Variants in EML5 observed in about 807,000 individuals in gnomAD.
EML5 encodes the protein EMAP like 5.
EML5 carries 120 observed loss-of-function variants against 250.0 expected under a neutral mutation model. The ratio of observed to expected loss-of-function variants is 0.48; its 90% CI spans 0.41 to 0.56. The LOEUF (loss-of-function observed/expected upper bound fraction) is 0.56, where lower values mean the gene tolerates loss of function less well. Ranked by LOEUF, EML5 falls within the 20% of genes least tolerant of loss-of-function variation. EML5 has a pLI of 0.00. For synonymous variants in EML5, 771 were observed against 806.5 expected, an observed-to-expected ratio of 0.96 and a Z score of 0.75; for missense variants, 2,006 against 2,437.6, an observed-to-expected ratio of 0.82 and a Z score of 3.73.
rs2088725885 is a variant in EML5 at position 88,620,643 on chromosome 14, A to G, written c.5375+111T>C. The G allele has an allele frequency of 1.2e-6, 1 of 822,686 alleles. No individual in the cohort carries two copies. Among genetic ancestry groups the G allele is most frequent in the South Asian group, 3.0e-5 (1 of 33,818 alleles). The allele number at this position is 822,686 out of a possible 1,614,324, so 51.0% of individuals were successfully genotyped here. The stretch of plus-strand genomic sequence containing the variant: ...TTTAGCATACAATTTATAATACGGG[A>G]AATGCTACAGGCCCTGGGGACCTCT... On this transcript the variant is annotated intron_variant, in intron 39 of 43. Coordinates refer to ENST00000554922, the MANE Select transcript of EML5 (RefSeq NM_183387.3). This position sits in a 1 kb window ranked among gnomAD's most constrained non-coding sequence, Gnocchi z 4.3.
At chr14:88,696,580 G>A (rs1271126858) in intron 15 of EML5, among the ~76,000 whole-genome samples, 5 of 152,036 alleles carry the variant, frequency 3.3e-5, no homozygotes, top group African/African-American at 9.7e-5. Context: ...GATGAATTTA[G>A]GTTGTTACGT....
At chr14:88,637,701 T>C (rs1160153751) in intron 32 of EML5, among the ~76,000 whole-genome samples, 1 of 152,206 alleles carries the variant, frequency 6.6e-6, no homozygotes, top group Non-Finnish European at 1.5e-5. Flanking sequence ...ACAGTAACTA[T>C]GTACCAAGAG....
At chr14:88,738,418 A>AG (rs200045403) in intron 6 of EML5, among the ~76,000 whole-genome samples, 1 of 82,180 alleles carries the variant, frequency 1.2e-5, no homozygotes, top group Non-Finnish European at 2.8e-5. Flanking sequence ...TCCCCAAGAG[A>AG]AAAAAAAAAA....
intron 13 of EML5, among the ~76,000 whole-genome samples, chr14:88,704,200 T>G (rs185665064): frequency 6.6e-6 from 1 of 152,246 alleles, no homozygotes; most frequent in East Asian, 1.9e-4. Context: ...AGTTCTCTCT[T>G]GATTAGTTCA....
intron 21 of EML5, among the ~76,000 whole-genome samples, chr14:88,667,682 C>T (rs2092343354): frequency 2.0e-5 from 3 of 152,168 alleles, no homozygotes; most frequent in South Asian, 4.1e-4. Flanking sequence ...AGAAGTGACT[C>T]CCTTCCTCCA....
chr14:88,714,901 T>A (rs1182081987), intron 9 of EML5, 38 bp downstream of exon 9: 1 of 1,581,082 alleles, frequency 6.3e-7, no homozygotes, highest in Non-Finnish European at 8.6e-7. Context: ...AAATATTGTA[T>A]AGGTACTACA....
chr14:88,706,301 G>T lies in EML5; in HGVS notation c.1783C>A (p.Pro595Thr). 6.2e-7 allele frequency: 1 copy of T among 1,608,942 alleles called. No individual in the cohort carries two copies. Among genetic ancestry groups the T allele is most frequent in the Non-Finnish European group, 8.5e-7 (1 of 1,177,858 alleles). ...ACAGCATCTTTCAGTTTTCTTTCAG[G>T]AATAAATTTCCACTGAAAGACAGAG... ...DHSVFQWKFI[P>T]ERKLKDAVHI... The change falls in exon 11 of 44, where the codon CCT becomes ACT. Residue 595 changes from proline (P) to threonine (T), a missense_variant. Pro to Thr is a conservative substitution (Grantham distance 38). Transcript: ENST00000554922.
In EML5 at chr14:88,620,580, T is replaced by C. The variant is rs1042061720; in HGVS notation, c.5375+174A>G. ...AGTTGGTGCCCAGTGGGTTTATAAT[T>C]TAGCAAGAAGAATTAAGTAGTATAC... On this transcript the variant is annotated intron_variant, in intron 39 of 43. Transcript: ENST00000554922. The surrounding 1 kb of genome is among the most constrained non-coding windows in gnomAD (Gnocchi z 4.3). The C allele has an allele frequency of 2.0e-6, 1 of 509,882 alleles. No individual in the cohort carries two copies. Among genetic ancestry groups the C allele is most frequent in the Admixed American group, 3.9e-5 (1 of 25,442 alleles). 31.6% of individuals were successfully genotyped at this position (509,882 alleles called of 1,614,324 possible).
At chr14:88,714,010 G>T (rs2093449607) in intron 9 of EML5, among the ~76,000 whole-genome samples, 2 of 149,742 alleles carry the variant, frequency 1.3e-5, no homozygotes, top group Admixed American at 6.7e-5. Flanking sequence ...GCTAGTTTTT[G>T]TATTTTTAGT....
chr14:88,768,417 CTT>C (rs57996765), intron 1 of EML5, among the ~76,000 whole-genome samples: 1 of 148,154 alleles, frequency 6.7e-6, no homozygotes. Flanking sequence ...ATGTGATTGT[CTT>C]TTTTTTTTTG....
chr14:88,697,250 T>C (rs2093100170), intron 14 of EML5, among the ~76,000 whole-genome samples: 1 of 152,178 alleles, frequency 6.6e-6, no homozygotes, highest in African/African-American at 2.4e-5. Context: ...GTTTGTATGC[T>C]AGATACAACG....
At chr14:88,661,345 G>A (rs928201399) in intron 25 of EML5, among the ~76,000 whole-genome samples, 37 of 152,214 alleles carry the variant, frequency 2.4e-4, no homozygotes, top group Admixed American at 7.9e-4. Context: ...CCCACCTCAG[G>A]CTCCCAAAGT....
At chr14:88,646,138 A>G (rs372447776) in intron 29 of EML5, among the ~76,000 whole-genome samples, 85 of 152,286 alleles carry the variant, frequency 5.6e-4, no homozygotes, top group African/African-American at 2.0e-3. Flanking sequence ...TTCCCATATA[A>G]AAGACTCCAA....
intron 2 of EML5, among the ~76,000 whole-genome samples, chr14:88,747,141 G>A (rs1041066096): frequency 3.3e-5 from 5 of 152,026 alleles, no homozygotes; most frequent in Admixed American, 6.6e-5. Context: ...GGTCAGGTGC[G>A]GTGGCTCACA....
rs367752954 is a variant in EML5 at position 88,740,448 on chromosome 14, T to C, written c.650A>G (p.Asn217Ser). The C allele has an allele frequency of 1.4e-4, 219 of 1,613,878 alleles. 1 individual carries two copies. In the East Asian group the frequency reaches 3.5e-3, roughly 26 times the overall value. Residue 217 changes from asparagine to serine, a missense_variant, in exon 5 of 44, where the codon AAT becomes AGT. Coordinates refer to ENST00000554922, the MANE Select transcript of EML5 (RefSeq NM_183387.3). ...RDELTYSGAL[N>S]GDIYVWKGIN... ...TCCTTTCCAAACATATATATCCCCA[T>C]TGAGTGCACCAGAATATGTTAATTC...
chr14:88,616,267 C>T lies in EML5; in HGVS notation c.5797-25G>A, dbSNP rs746761315. 12 of 1,608,920 alleles carry T rather than the reference C, an allele frequency of 7.5e-6. No individual in the cohort carries two copies. In the Admixed American group the frequency reaches 1.2e-4, roughly 16 times the overall value. ...CCTAAAAAACAATGACAGACAAGCT[C>T]AGGGCATTTGGTGCACACAGAAGTC... On this transcript the variant is annotated intron_variant, in intron 42 of 43. Coordinates refer to ENST00000554922, the MANE Select transcript of EML5 (RefSeq NM_183387.3).
At chr14:88,785,309 A>G (rs529988257) in intron 1 of EML5, among the ~76,000 whole-genome samples, 8 of 152,278 alleles carry the variant, frequency 5.3e-5, no homozygotes, top group African/African-American at 1.9e-4. Context: ...ATTTAATTGT[A>G]CATTTTAGAA....
chr14:88,703,141 G>GA (rs1180753807), intron 13 of EML5, among the ~76,000 whole-genome samples: 3 of 151,782 alleles, frequency 2.0e-5, no homozygotes, highest in Non-Finnish European at 4.4e-5. Context: ...AATACTGAGT[G>GA]AAAAAAACAA....
rs145460883 is a variant in EML5 at position 88,699,451 on chromosome 14, C to T, written c.2239-2499G>A. 4.6e-5 allele frequency among the ~76,000 whole-genome samples: 7 copies of T among 151,978 alleles called. 1 individual carries two copies. In the East Asian group the frequency reaches 1.4e-3, roughly 30 times the overall value. On this transcript the variant is annotated intron_variant, in intron 14 of 43. Coordinates refer to ENST00000554922, the MANE Select transcript of EML5 (RefSeq NM_183387.3). ...ATTTAACCAAGTCTGACTCTCCAACCTCCCCTTTTTATCTCTTATCATTTA... is the reference window on the plus strand; with the variant it reads ...ATTTAACCAAGTCTGACTCTCCAACTTCCCCTTTTTATCTCTTATCATTTA...
Sources: gnomAD v4.1 joint callset for allele counts (sites outside exome capture counted in the v4.1 genomes callset) on GRCh38, gnomAD v4.1.1 for gene constraint, Gnocchi (gnomAD v3.1) non-coding constraint, MANE v1.5 for transcripts, NCBI Gene and HGNC (gene_info 2026-07-23, HGNC 2026-07-21) for gene names.